Variants in TXK observed in about 807,000 individuals in gnomAD.
The protein encoded by TXK is tyrosine-protein kinase TXK.
In TXK, 60 loss-of-function variants were observed where a neutral mutation model predicts 81.0. The observed-to-expected ratio is 0.74, with a 90% CI of 0.60 to 0.92. The LOEUF (loss-of-function observed/expected upper bound fraction) is 0.92. TXK is among the 40% of genes least tolerant of loss of function. The pLI is 0.00. For synonymous variants in TXK, 203 were observed against 210.7 expected (o/e 0.96, Z 0.32); for missense variants, 581 against 638.3 (o/e 0.91, Z 0.97).
chr4:48,114,972 C>T (rs1718758318), intron 1 of TXK, among the ~76,000 whole-genome samples: 1 of 151,698 alleles, frequency 6.6e-6, no homozygotes, highest in Middle Eastern at 3.2e-3. Context: ...ACCCTGCATA[C>T]CCCAGACCAA....
At chr4:48,085,993 C>T (rs999767492) in intron 10 of TXK, among the ~76,000 whole-genome samples, 2 of 152,214 alleles carry the variant, frequency 1.3e-5, no homozygotes, top group African/African-American at 4.8e-5. Context: ...AGGTGGTTAA[C>T]ACTTAGCCAT....
chr4:48,099,301 A>C (rs1227180431), intron 6 of TXK, among the ~76,000 whole-genome samples: 2 of 152,244 alleles, frequency 1.3e-5, no homozygotes. Context: ...ATAAATGTGC[A>C]AAAGTTGTAC....
At chr4:48,117,402 T>C (rs1718842665) in intron 1 of TXK, among the ~76,000 whole-genome samples, 1 of 152,188 alleles carries the variant, frequency 6.6e-6, no homozygotes, top group Non-Finnish European at 1.5e-5. Flanking sequence ...TCCCTAATGT[T>C]TAAACAAAGT....
intron 1 of TXK, among the ~76,000 whole-genome samples, chr4:48,117,211 T>C (rs1285349638): frequency 6.6e-6 from 1 of 152,192 alleles, no homozygotes; most frequent in Non-Finnish European, 1.5e-5. Flanking sequence ...AAATCATATA[T>C]GCCCTCTTCC....
At chr4:48,080,548 A>G (rs1162084186) in intron 10 of TXK, among the ~76,000 whole-genome samples, 8 of 152,018 alleles carry the variant, frequency 5.3e-5, no homozygotes, top group Admixed American at 3.9e-4. Flanking sequence ...AGTGACTAAA[A>G]GAGAAAACAA....
At chr4:48,105,201 T>C (rs181993279) in intron 5 of TXK, among the ~76,000 whole-genome samples, 5 of 152,336 alleles carry the variant, frequency 3.3e-5, no homozygotes, top group Admixed American at 3.3e-4. Flanking sequence ...ACACTTAGTA[T>C]ATCATTATGA....
intron 8 of TXK, among the ~76,000 whole-genome samples, chr4:48,091,118 A>G (rs576163226): frequency 1.4e-4 from 22 of 152,362 alleles, no homozygotes; most frequent in Admixed American, 7.8e-4. Flanking sequence ...TGTGAAAGGA[A>G]TAAGTATTCT....
At chr4:48,070,877 C>A (rs1361736345) in intron 14 of TXK, among the ~76,000 whole-genome samples, 1 of 150,188 alleles carries the variant, frequency 6.7e-6, no homozygotes, top group Non-Finnish European at 1.5e-5. Flanking sequence ...CCACACACAG[C>A]CTCCATCATT....
chr4:48,102,673 A>G (rs941107268), intron 6 of TXK, among the ~76,000 whole-genome samples: 2 of 152,256 alleles, frequency 1.3e-5, no homozygotes, highest in Non-Finnish European at 2.9e-5. Flanking sequence ...AATTCATTGC[A>G]GCACTGTTTG....
chr4:48,126,419 T>G (rs1355056331), intron 1 of TXK, among the ~76,000 whole-genome samples: 1 of 152,246 alleles, frequency 6.6e-6, no homozygotes, highest in Non-Finnish European at 1.5e-5. Context: ...TTGAGGCTTC[T>G]GGTCAATGTT....
chr4:48,114,323 A>C, intron 2 of TXK, 25 bp downstream of exon 2: 1 of 1,612,936 alleles, frequency 6.2e-7, no homozygotes, highest in Non-Finnish European at 8.5e-7. Context: ...AATTTTCAAG[A>C]AATTGCCCTC....
intron 13 of TXK, among the ~76,000 whole-genome samples, chr4:48,072,139 G>A (rs977813193): frequency 6.6e-6 from 1 of 151,954 alleles, no homozygotes; most frequent in African/African-American, 2.4e-5. Flanking sequence ...GAGTTGCTGG[G>A]ATTATAGGTG....
chr4:48,067,408 T>C lies in TXK; in HGVS notation c.*229A>G. 2.1e-6 allele frequency: 1 copy of C among 478,808 alleles called. No individual in the cohort carries two copies. The highest frequency in any genetic ancestry group is 3.7e-6 in the Non-Finnish European group (1 of 268,482). The allele number at this position is 478,808 out of a possible 1,614,324, so 29.7% of individuals were successfully genotyped here. On this transcript the variant is annotated 3_prime_UTR_variant, in exon 15 of 15. Transcript: ENST00000264316. ...ACTTCTTCACATTTGGGATGTGAAA[T>C]ATTTTACAGAAAAATAAGAGTGTGC...
intron 11 of TXK, 35 bp from the exon 12 acceptor site, chr4:48,076,501 C>G (rs577466119): frequency 6.3e-7 from 1 of 1,581,980 alleles, no homozygotes; most frequent in South Asian, 1.1e-5. Flanking sequence ...AGTTTGAATA[C>G]AAGCTTTTAT....
At chr4:48,089,858 A>G (rs925017075) in intron 8 of TXK, 34 bp from the exon 9 acceptor site, 1 of 1,449,948 alleles carries the variant, frequency 6.9e-7, no homozygotes, top group Non-Finnish European at 9.7e-7. Context: ...TTTCAAGCCT[A>G]GTTGCTAATA....
chr4:48,072,711 A>T (rs1487030713), intron 13 of TXK, among the ~76,000 whole-genome samples: 1 of 152,174 alleles, frequency 6.6e-6, no homozygotes, highest in Non-Finnish European at 1.5e-5. Context: ...CTGTTCAGTG[A>T]GGGAGACAAG....
At chr4:48,128,529 A>G (rs16860999) in intron 1 of TXK, among the ~76,000 whole-genome samples, 110,659 of 144,302 alleles carry the variant, frequency 0.77, 42,387 homozygotes, top group East Asian at 0.92. Context: ...AAACTTCCTC[A>G]TTACTCTGCC....
At chr4:48,086,316 C>T (rs1321168716) in intron 10 of TXK, 150 bp downstream of exon 10, 2 of 735,764 alleles carry the variant, frequency 2.7e-6, no homozygotes, top group African/African-American at 1.8e-5. Context: ...TCACCCAGGT[C>T]ACACAGTGGT....
chr4:48,096,669 C>T (rs1171509149), intron 6 of TXK, among the ~76,000 whole-genome samples: 3 of 152,136 alleles, frequency 2.0e-5, no homozygotes, highest in Admixed American at 2.0e-4. Context: ...GCTGGAATTA[C>T]AGGCACATGC....
Sources: gnomAD v4.1 joint callset for allele counts (sites outside exome capture counted in the v4.1 genomes callset) on GRCh38, gnomAD v4.1.1 for gene constraint, MANE v1.5 for transcripts, NCBI Gene and HGNC (gene_info 2026-07-23, HGNC 2026-07-21) for gene names.